Variants in DNER observed in about 807,000 individuals in gnomAD.
The protein encoded by DNER is delta and Notch-like epidermal growth factor-related receptor.
A neutral mutation model predicts 78.2 loss-of-function variants in DNER; 33 were observed. The observed-to-expected ratio is 0.42, with a 90% CI of 0.32 to 0.56. DNER has a LOEUF of 0.56. Ranked by LOEUF, DNER falls within the 20% of genes least tolerant of loss-of-function variation. DNER has a pLI of 0.11. For synonymous variants in DNER, 417 were observed against 384.8 expected, an observed-to-expected ratio of 1.08 and a Z score of -0.98; for missense variants, 918 against 975.3, an observed-to-expected ratio of 0.94 and a Z score of 0.78.
chr2:229,499,220 C>A (rs1469876863), intron 6 of DNER, among the ~76,000 whole-genome samples: 2 of 151,948 alleles, frequency 1.3e-5, no homozygotes, highest in African/African-American at 4.8e-5. Context: ...CCGAGGCGGG[C>A]AGATCACCTG....
At chr2:229,704,940 T>C (rs567999858) in intron 1 of DNER, among the ~76,000 whole-genome samples, 3 of 152,386 alleles carry the variant, frequency 2.0e-5, no homozygotes, top group South Asian at 2.1e-4. Context: ...TAAAGTAATA[T>C]ACCTCGGACA....
At chr2:229,521,159 G>A (rs1184532377) in intron 5 of DNER, among the ~76,000 whole-genome samples, 1 of 152,222 alleles carries the variant, frequency 6.6e-6, no homozygotes. Context: ...ACATCGGAAA[G>A]CTCTGGAATC....
chr2:229,393,862 A>G (rs1366143994), intron 10 of DNER, among the ~76,000 whole-genome samples: 1 of 152,012 alleles, frequency 6.6e-6, no homozygotes, highest in African/African-American at 2.4e-5. Context: ...AAAAACAAAA[A>G]CAAAAACAAA....
intron 5 of DNER, among the ~76,000 whole-genome samples, chr2:229,539,078 G>A (rs1277503811): frequency 6.6e-6 from 1 of 152,196 alleles, no homozygotes; most frequent in Non-Finnish European, 1.5e-5. Context: ...CTTGAAAGCT[G>A]CAGTTTTGGT....
chr2:229,708,192 T>G (rs1425480795), intron 1 of DNER, among the ~76,000 whole-genome samples: 3 of 152,116 alleles, frequency 2.0e-5, no homozygotes, highest in Non-Finnish European at 4.4e-5. Flanking sequence ...CAACTGTCGT[T>G]TTTCTCTGCC....
intron 4 of DNER, among the ~76,000 whole-genome samples, chr2:229,564,876 C>A (rs930325848): frequency 6.6e-6 from 1 of 152,098 alleles, no homozygotes; most frequent in Admixed American, 6.6e-5. Context: ...GATCTAGAGG[C>A]TGGGAAGTAC....
chr2:229,707,159 A>G (rs1283546494), intron 1 of DNER, among the ~76,000 whole-genome samples: 1 of 145,906 alleles, frequency 6.9e-6, no homozygotes, highest in Admixed American at 6.9e-5. Context: ...GACTACAGGC[A>G]TGTGCCACCA....
chr2:229,368,529 A>C (rs1692402575), intron 11 of DNER, among the ~76,000 whole-genome samples: 1 of 152,256 alleles, frequency 6.6e-6, no homozygotes, highest in Non-Finnish European at 1.5e-5. Flanking sequence ...CAAAAGAATA[A>C]AAGCATGTTA....
chr2:229,518,034 T>C (rs1002982321), intron 5 of DNER, among the ~76,000 whole-genome samples: 2 of 152,224 alleles, frequency 1.3e-5, no homozygotes, highest in East Asian at 3.8e-4. Flanking sequence ...GTTTGTTTTA[T>C]TCAGATAACA....
chr2:229,657,740 A>G (rs1195797439), intron 1 of DNER, among the ~76,000 whole-genome samples: 4 of 152,200 alleles, frequency 2.6e-5, no homozygotes, highest in Admixed American at 1.3e-4. Flanking sequence ...CTCTCACAAC[A>G]GCTTCTCCAT....
In DNER at chr2:229,712,144, G is replaced by A. The variant is rs1243086895; in HGVS notation, c.276+2004C>T. 2.6e-5 allele frequency among the ~76,000 whole-genome samples: 4 copies of A among 152,180 alleles called. No homozygotes were observed. In the East Asian group the frequency reaches 7.7e-4, roughly 29 times the overall value. On this transcript the variant is annotated intron_variant, in intron 1 of 12. Coordinates refer to ENST00000341772, the MANE Select transcript of DNER (RefSeq NM_139072.4). ...GGCATGCAGTATTGCTTCTGCTCAG[G>A]TGGATGGTGTTCACACAGCTAAGCC...
intron 1 of DNER, among the ~76,000 whole-genome samples, chr2:229,713,326 C>T (rs566353353): frequency 6.6e-6 from 1 of 152,204 alleles, no homozygotes; most frequent in African/African-American, 2.4e-5. Flanking sequence ...CTGCCAAATT[C>T]TCCTGAAAAC....
At chr2:229,674,542 G>A (rs772536522) in intron 1 of DNER, among the ~76,000 whole-genome samples, 9 of 152,190 alleles carry the variant, frequency 5.9e-5, no homozygotes, top group Non-Finnish European at 1.0e-4. Flanking sequence ...GCCTCCCAAA[G>A]TGCTAGGGTT....
At chr2:229,417,736 T>C (rs940753698) in intron 9 of DNER, among the ~76,000 whole-genome samples, 7 of 152,220 alleles carry the variant, frequency 4.6e-5, no homozygotes, top group Admixed American at 3.3e-4. Flanking sequence ...CACAGCATTC[T>C]ATCTCTGCAT....
intron 4 of DNER, among the ~76,000 whole-genome samples, chr2:229,562,473 C>T (rs1041528559): frequency 1.1e-4 from 17 of 152,082 alleles, no homozygotes; most frequent in African/African-American, 3.1e-4. Flanking sequence ...TTCTATAATT[C>T]GATTTTTAAC....
intron 5 of DNER, among the ~76,000 whole-genome samples, chr2:229,529,324 C>T (rs1696262502): frequency 6.6e-6 from 1 of 152,020 alleles, no homozygotes; most frequent in Non-Finnish European, 1.5e-5. Flanking sequence ...TGCAAGTTTC[C>T]ACTGTCTGTG....
chr2:229,396,151 T>A (rs911032458), intron 10 of DNER, among the ~76,000 whole-genome samples: 1 of 152,326 alleles, frequency 6.6e-6, no homozygotes, highest in East Asian at 1.9e-4. Flanking sequence ...TCTGTGTGTC[T>A]GTATGTCTAT....
chr2:229,398,207 G>T (rs918299193), intron 10 of DNER, among the ~76,000 whole-genome samples: 12 of 152,050 alleles, frequency 7.9e-5, no homozygotes, highest in Non-Finnish European at 1.6e-4. Flanking sequence ...GACTGCAGAT[G>T]TCAAAAGGAT....
intron 6 of DNER, among the ~76,000 whole-genome samples, chr2:229,491,679 CT>C (rs1044657129): frequency 5.3e-5 from 8 of 152,230 alleles, no homozygotes; most frequent in Non-Finnish European, 1.2e-4. Context: ...TTCTTCATCC[CT>C]TTACCCTGTT....
Sources: gnomAD v4.1 joint callset for allele counts (sites outside exome capture counted in the v4.1 genomes callset) on GRCh38, gnomAD v4.1.1 for gene constraint, MANE v1.5 for transcripts, NCBI Gene and HGNC (gene_info 2026-07-23, HGNC 2026-07-21) for gene names.